The following MED21 variants were observed in gnomAD, a reference collection of about 807,000 sequenced individuals.
MED21 encodes mediator complex subunit 21.
A neutral mutation model predicts 18.2 loss-of-function variants in MED21; 9 were observed. The ratio of observed to expected loss-of-function variants is 0.49; its 90% CI spans 0.30 to 0.86. The LOEUF is 0.86. Among genes scored for constraint, MED21 ranks in the 40% least tolerant of loss-of-function variants. The pLI, the probability that MED21 is intolerant of heterozygous loss-of-function variation, is 0.07. For synonymous variants in MED21, 73 were observed against 60.5 expected (o/e 1.21, Z -0.96); for missense variants, 150 against 170.9 (o/e 0.88, Z 0.68).
At chr12:27,037,637 G>A (rs1941658047) in intron 2 of MED21, 1 of 152,098 alleles carries the variant, frequency 6.6e-6, no homozygotes, top group Non-Finnish European at 1.5e-5. Flanking sequence ...TTTAATCTCA[G>A]GAATGCATGG....
downstream of MED21, among the ~76,000 whole-genome samples, chr12:27,034,230 A>G (rs370251130): frequency 6.6e-6 from 1 of 152,166 alleles, no homozygotes; most frequent in East Asian, 1.9e-4. Context: ...AGCCTGGCCA[A>G]CATGGAGAAA....
In MED21 at chr12:27,030,255, C is replaced by A; in HGVS notation, c.*1794C>A. On this transcript the variant is annotated 3_prime_UTR_variant, in exon 4 of 4. Transcript: ENST00000282892. ...GGTGATCCTCCCACTTCAGCCTCTT[C>A]AGTAACTGGGACTACAGGCATGTAC... The A allele has an allele frequency of 1.7e-6, 1 of 598,188 alleles. No individual in the cohort carries two copies. The highest frequency in any genetic ancestry group is 3.0e-6 in the Non-Finnish European group (1 of 329,242). 37.1% of individuals were successfully genotyped at this position (598,188 alleles called of 1,614,324 possible). A position where few individuals can be genotyped will look rare whatever the true frequency, so the allele number is the denominator to read the frequency against.
chr12:27,027,541 C>G (rs1941562225), intron 3 of MED21, 94 bp downstream of exon 3: 2 of 838,332 alleles, frequency 2.4e-6, no homozygotes, highest in South Asian at 3.1e-5. Context: ...TCCATTTGTG[C>G]TGCTATAACA....
rs3963548 is a variant in MED21 at position 27,022,561 on chromosome 12, T to C, written c.-19T>C. On this transcript the variant is annotated 5_prime_UTR_variant, in exon 1 of 4. Coordinates refer to ENST00000282892, the MANE Select transcript of MED21 (RefSeq NM_004264.5). The stretch of plus-strand genomic sequence containing the variant: ...GCGGAAGAGCAGCTGTTTTGGCGTC[T>C]GTTTGCTGCGGTAGGAACATGGCGG... 0.94 allele frequency: 1,434,565 copies of C among 1,530,156 alleles called. 673,140 individuals are homozygous for C. The highest frequency in any genetic ancestry group is 1 in the East Asian group (43,713 of 43,724). 94.8% of individuals were successfully genotyped at this position (1,530,156 alleles called of 1,614,324 possible). A position where few individuals can be genotyped will look rare whatever the true frequency, so the allele number is the denominator to read the frequency against.
At chr12:27,038,872 A>C (rs1282262719) in intron 2 of MED21, 1 of 152,216 alleles carries the variant, frequency 6.6e-6, no homozygotes, top group East Asian at 1.9e-4. Context: ...AACTCTGTGA[A>C]TGTACTAAGA....
Position 27,029,978 on chromosome 12 carries a change from G to A in MED21, c.*1517G>A, listed in dbSNP as rs1275620955. On this transcript the variant is annotated 3_prime_UTR_variant, in exon 4 of 4. Coordinates refer to ENST00000282892, the MANE Select transcript of MED21 (RefSeq NM_004264.5). ...AAAAAGAAGGGAAGTTATAGCAGAA[G>A]GAAACTTAGAATGGCAGGAATAAAG... The A allele has an allele frequency of 4.9e-6, 1 of 204,438 alleles. No homozygotes were observed. Among genetic ancestry groups the A allele is most frequent in the South Asian group, 1.7e-4 (1 of 5,840 alleles). 12.7% of individuals were successfully genotyped at this position (204,438 alleles called of 1,614,324 possible). A position where few individuals can be genotyped will look rare whatever the true frequency, so the allele number is the denominator to read the frequency against.
intron 1 of MED21, among the ~76,000 whole-genome samples, chr12:27,025,047 T>A (rs1018516613): frequency 1.8e-4 from 27 of 152,394 alleles, no homozygotes; most frequent in African/African-American, 6.5e-4. Context: ...GTACTTTAGT[T>A]ATTTTCCATA....
At position 27,029,566 on chromosome 12, in the gene MED21, A is replaced by G. The variant is rs1941589529; in HGVS notation, c.*1105A>G. 1.0e-6 allele frequency: 1 copy of G among 985,264 alleles called. No homozygotes were observed. The allele number at this position is 985,264 out of a possible 1,614,324, so 61.0% of individuals were successfully genotyped here. A position where few individuals can be genotyped will look rare whatever the true frequency, so the allele number is the denominator to read the frequency against. ...CAGGAGAAAACAGGAACAATAGAAC[A>G]CTCTGCCTGTTATTTTTGTTGTAAT... is the stretch of plus-strand genomic sequence containing the variant. On this transcript the variant is annotated 3_prime_UTR_variant, in exon 4 of 4. Coordinates refer to ENST00000282892, the MANE Select transcript of MED21 (RefSeq NM_004264.5).
chr12:27,033,357 T>C (rs1389236515), downstream of MED21, among the ~76,000 whole-genome samples: 4 of 152,236 alleles, frequency 2.6e-5, no homozygotes, highest in Non-Finnish European at 4.4e-5. Context: ...TTAGAGGTAC[T>C]AATCCCACTC....
At chr12:27,023,465 G>A (rs1416741209) in intron 1 of MED21, among the ~76,000 whole-genome samples, 3 of 151,474 alleles carry the variant, frequency 2.0e-5, no homozygotes, top group Non-Finnish European at 4.4e-5. Context: ...CCCGGCTAAT[G>A]TTTGTATTTT....
chr12:27,031,873 A>G (rs1445318010), downstream of MED21, among the ~76,000 whole-genome samples: 1 of 152,178 alleles, frequency 6.6e-6, no homozygotes, highest in African/African-American at 2.4e-5. Context: ...AGGTTATTGT[A>G]GTGCCAGTTA....
At chr12:27,037,067 G>C (rs369054821) in intron 2 of MED21, 3,049 of 151,112 alleles carry the variant, frequency 0.02, 100 homozygotes, top group African/African-American at 0.069. Flanking sequence ...TCTTCCTACC[G>C]ATGAGCATGG....
In MED21 at chr12:27,029,478, G is replaced by T; in HGVS notation, c.*1017G>T. 1.0e-6 allele frequency: 1 copy of T among 985,422 alleles called. No individual in the cohort carries two copies. The highest frequency in any genetic ancestry group is 1.1e-4 in the East Asian group (1 of 8,820). The allele number at this position is 985,422 out of a possible 1,614,324, so 61.0% of individuals were successfully genotyped here. A position where few individuals can be genotyped will look rare whatever the true frequency, so the allele number is the denominator to read the frequency against. The stretch of plus-strand genomic sequence containing the variant: ...TTTTAACTAGCTATTTCCTGGGGCT[G>T]TATTTTTCAGAATATGCTGAGCTAC... On this transcript the variant is annotated 3_prime_UTR_variant, in exon 4 of 4. Coordinates refer to ENST00000282892, the MANE Select transcript of MED21 (RefSeq NM_004264.5).
rs1941484351 is a variant in MED21, at chr12:27,022,586, G to A, written c.7G>A (p.Asp3Asn). The change falls in exon 1 of 4, where the codon GAT (aspartate) becomes AAT (asparagine). Residue 3 changes from aspartate (D) to asparagine (N), a missense_variant. Coordinates refer to ENST00000282892, the MANE Select transcript of MED21 (RefSeq NM_004264.5). MADRLTQLQDAVN... is the reference protein window; with the variant it reads MANRLTQLQDAVN... ...TGTTTGCTGCGGTAGGAACATGGCG[G>A]ATCGGCTCACGCAGCTTCAGGACGC... 2 of 1,566,614 alleles carry A rather than the reference G, an allele frequency of 1.3e-6. No individual in the cohort carries two copies. Among genetic ancestry groups the A allele is most frequent in the African/African-American group, 2.7e-5 (2 of 73,196 alleles).
intron 1 of MED21, among the ~76,000 whole-genome samples, chr12:27,023,560 G>C (rs1222074859): frequency 6.6e-6 from 1 of 152,040 alleles, no homozygotes; most frequent in East Asian, 1.9e-4. Context: ...GCCTCCCATA[G>C]TGCTGGGATT....
Position 27,029,513 on chromosome 12 carries a change from A to C in MED21, c.*1052A>C, listed in dbSNP as rs965027882. The C allele has an allele frequency of 2.0e-6, 2 of 985,290 alleles. No individual in the cohort carries two copies. The highest frequency in any genetic ancestry group is 6.1e-5 in the Admixed American group (1 of 16,262). The allele number at this position is 985,290 out of a possible 1,614,324, so 61.0% of individuals were successfully genotyped here. On this transcript the variant is annotated 3_prime_UTR_variant, in exon 4 of 4. Transcript: ENST00000282892. Reference sequence around the variant, plus strand: ...GAATATGCTGAGCTACATTTGCTGCAATCTGTTGCTATTCAGAGTTTAAGT... The same window carrying C: ...GAATATGCTGAGCTACATTTGCTGCCATCTGTTGCTATTCAGAGTTTAAGT...
chr12:27,022,710 G>A (rs1263296979), intron 1 of MED21, 89 bp downstream of exon 1: 1 of 1,605,700 alleles, frequency 6.2e-7, no homozygotes, highest in African/African-American at 1.3e-5. Flanking sequence ...AAACTTGAAA[G>A]TGGGGAGCGG....
downstream of MED21, chr12:27,030,866 G>A (rs771365605): frequency 6.6e-6 from 1 of 152,168 alleles, no homozygotes; most frequent in African/African-American, 2.4e-5. Flanking sequence ...GTCCACTTGT[G>A]CCTTAACTAC....
At chr12:27,035,641 A>G (rs925806985), downstream of MED21, among the ~76,000 whole-genome samples, 2 of 126,714 alleles carry the variant, frequency 1.6e-5, no homozygotes, top group Non-Finnish European at 3.1e-5. Context: ...TCCTGTGTCC[A>G]TGTGTTCTCA....
Sources: allele counts gnomAD v4.1 joint callset (sites outside exome capture counted in the v4.1 genomes callset), GRCh38; gene constraint gnomAD v4.1.1; transcripts MANE v1.5; gene names NCBI Gene and HGNC (gene_info 2026-07-23, HGNC 2026-07-21).